CELF5: variants seen among roughly 807,000 people sequenced by gnomAD.
CELF5 encodes CUGBP Elav-like family member 5, also known as CUG-BP and ETR-3 like factor 5.
Under a neutral mutation model 54.9 loss-of-function variants are expected in CELF5, and 6 were observed. The observed-to-expected ratio is 0.11, with a 90% confidence interval of 0.06 to 0.22. The LOEUF is 0.22. CELF5 is among the 10% of genes least tolerant of loss of function. The pLI is 1.00. For missense variants in CELF5, 401 were observed against 678.6 expected (o/e 0.59, Z 4.54); for synonymous variants, 271 against 290.9 (o/e 0.93, Z 0.70).
At position 3,275,086 on chromosome 19, in the gene CELF5, G is replaced by C. The variant is rs1367621988; in HGVS notation, c.395-770G>C. ...CTCTCTCTCCCTCCCACCCCCATGA[G>C]TGACAGCTGCCGAGAGCGGTTTCCA... is the stretch of plus-strand genomic sequence containing the variant. On this transcript the variant is annotated intron_variant, in intron 3 of 12. Coordinates refer to ENST00000292672, the MANE Select transcript of CELF5 (RefSeq NM_021938.4). The surrounding 1 kb of genome is among the most constrained non-coding windows in gnomAD (Gnocchi z 6.7). Among the ~76,000 whole-genome samples the C allele has an allele frequency of 1.3e-5, 2 of 152,020 alleles. No homozygotes were observed. Among genetic ancestry groups the C allele is most frequent in the African/African-American group, 4.8e-5 (2 of 41,378 alleles).
At chr19:3,269,433 C>T (rs1036360329) in intron 2 of CELF5, among the ~76,000 whole-genome samples, 1 of 152,146 alleles carries the variant, frequency 6.6e-6, no homozygotes, top group African/African-American at 2.4e-5. Flanking sequence ...CTGCCTCGAC[C>T]TCTCAAACTG....
intron 2 of CELF5, among the ~76,000 whole-genome samples, chr19:3,261,672 C>A (rs1322964769): frequency 1.3e-5 from 2 of 151,440 alleles, no homozygotes; most frequent in African/African-American, 4.9e-5. Context: ...ATTTTAAAAA[C>A]TACCTGGGCA....
intron 1 of CELF5, among the ~76,000 whole-genome samples, chr19:3,245,167 CAT>C (rs1422018674): frequency 7.5e-6 from 1 of 132,552 alleles, no homozygotes; most frequent in Admixed American, 7.7e-5. Flanking sequence ...GTGTGTTGTG[CAT>C]GTGTCTTTGC....
intron 2 of CELF5, among the ~76,000 whole-genome samples, chr19:3,258,203 C>T (rs1185500922): frequency 2.0e-5 from 3 of 152,156 alleles, no homozygotes; most frequent in Admixed American, 6.6e-5. Context: ...GGTGATCCTC[C>T]CACCTTGGCC....
At chr19:3,261,684 G>A (rs1382102572) in intron 2 of CELF5, among the ~76,000 whole-genome samples, 1 of 151,874 alleles carries the variant, frequency 6.6e-6, no homozygotes, top group Non-Finnish European at 1.5e-5. Flanking sequence ...ACCTGGGCAT[G>A]GTGGCATGTA....
intron 4 of CELF5, among the ~76,000 whole-genome samples, chr19:3,277,291 T>A (rs1031067867): frequency 6.6e-6 from 1 of 151,700 alleles, no homozygotes; most frequent in Non-Finnish European, 1.5e-5. Flanking sequence ...CTGGCCAAGA[T>A]GGTGAAACCC....
At position 3,293,258 on chromosome 19, in the gene CELF5, A is replaced by G. The variant is rs1328668915; in HGVS notation, c.1331-61A>G. On this transcript the variant is annotated intron_variant, in intron 11 of 12. Coordinates refer to ENST00000292672, the MANE Select transcript of CELF5 (RefSeq NM_021938.4). ...TGAGCCGGGAAGCCAGGGCCACAGC[A>G]TAGGAACAAGCCGAGGACACCCGCA... 5 of 1,601,042 alleles carry G rather than the reference A, an allele frequency of 3.1e-6. No individual in the cohort carries two copies. The African/African-American group carries it at 5.3e-5, about 17-fold the overall frequency.
At chr19:3,277,894 T>G in intron 4 of CELF5, 137 bp from the exon 5 acceptor site, 1 of 662,724 alleles carries the variant, frequency 1.5e-6, no homozygotes, top group Non-Finnish European at 2.7e-6. Context: ...GCTGGCTGTC[T>G]TTCTGTTATC....
chr19:3,261,243 C>T (rs957747725), intron 2 of CELF5, among the ~76,000 whole-genome samples: 3 of 151,938 alleles, frequency 2.0e-5, no homozygotes, highest in Admixed American at 2.0e-4. Context: ...CATAATGAAA[C>T]CCCTTGTCTA....
At position 3,285,891 on chromosome 19, in the gene CELF5, C is replaced by G. The variant is rs532363817; in HGVS notation, c.1103-51C>G. On this transcript the variant is annotated intron_variant, in intron 9 of 12. Coordinates refer to ENST00000292672, the MANE Select transcript of CELF5 (RefSeq NM_021938.4). ...TCCCCGCCCAGCGGCCCAGGCCGCC[C>G]ACGTGGCCTCACGCCCCTCCTCGCC... 85 of 1,415,150 alleles carry G rather than the reference C, an allele frequency of 6.0e-5. No individual in the cohort carries two copies. The African/African-American group carries it at 1.1e-3, about 18-fold the overall frequency. The allele number at this position is 1,415,150 out of a possible 1,614,324, so 87.7% of individuals were successfully genotyped here.
chr19:3,294,698 G>A (rs565574687), intron 12 of CELF5: 6 of 152,178 alleles, frequency 3.9e-5, no homozygotes, highest in Middle Eastern at 3.4e-3. Context: ...GCTCGGGGAC[G>A]CAGCTGTGAA....
At chr19:3,284,612 T>C in intron 8 of CELF5, 1 of 462,342 alleles carries the variant, frequency 2.2e-6, no homozygotes, top group South Asian at 2.6e-5. Context: ...GGGTCCCCCT[T>C]GGGAGGCAAC....
intron 1 of CELF5, among the ~76,000 whole-genome samples, chr19:3,246,342 C>T (rs559846504): frequency 1.7e-4 from 26 of 150,418 alleles, no homozygotes; most frequent in Non-Finnish European, 3.5e-4. Flanking sequence ...CCAGCCTGGG[C>T]GATAGATTGA....
chr19:3,285,133 C>T (rs1407219948), intron 9 of CELF5, among the ~76,000 whole-genome samples, 169 bp downstream of exon 9: 1 of 151,486 alleles, frequency 6.6e-6, no homozygotes, highest in African/African-American at 2.4e-5. Context: ...TATTCAACCC[C>T]GGGCCCTGTT....
At chr19:3,235,740 G>C (rs1255222863) in intron 1 of CELF5, among the ~76,000 whole-genome samples, 1 of 142,730 alleles carries the variant, frequency 7.0e-6, no homozygotes, top group Non-Finnish European at 1.6e-5. Flanking sequence ...ATGGATGGAT[G>C]GATGGATGGA....
At position 3,258,220 on chromosome 19, in the gene CELF5, T is replaced by C. The variant is rs145657594; in HGVS notation, c.342+7153T>C. 6.3e-3 allele frequency among the ~76,000 whole-genome samples: 947 copies of C among 150,686 alleles called. 11 individuals carry two copies. The highest frequency in any genetic ancestry group is 0.021 in the African/African-American group (879 of 41,054). The stretch of plus-strand genomic sequence containing the variant: ...TGATCCTCCCACCTTGGCCTCCCAA[T>C]ATGCTGGGATTACAGGCATGAGCCA... On this transcript the variant is annotated intron_variant, in intron 2 of 12. Coordinates refer to ENST00000292672, the MANE Select transcript of CELF5 (RefSeq NM_021938.4).
intron 1 of CELF5, among the ~76,000 whole-genome samples, chr19:3,240,683 T>C (rs2079479280): frequency 6.6e-6 from 1 of 151,872 alleles, no homozygotes; most frequent in Non-Finnish European, 1.5e-5. Context: ...TCTTGTTCTA[T>C]GGCCCCAGCT....
intron 8 of CELF5, 163 bp from the exon 9 acceptor site, chr19:3,284,739 G>T: frequency 1.5e-6 from 1 of 649,550 alleles, no homozygotes. Flanking sequence ...TGTGCAAGTG[G>T]CTTCACCTTC....
chr19:3,253,630 G>T (rs578219235), intron 2 of CELF5, among the ~76,000 whole-genome samples: 28 of 152,290 alleles, frequency 1.8e-4, no homozygotes, highest in South Asian at 1.0e-3. Flanking sequence ...TGCAGAGCAG[G>T]GGGGGCAAAG....
Sources: gnomAD v4.1 joint callset for allele counts (sites outside exome capture counted in the v4.1 genomes callset) on GRCh38, gnomAD v4.1.1 for gene constraint, Gnocchi (gnomAD v3.1) non-coding constraint, MANE v1.5 for transcripts, NCBI Gene and HGNC (gene_info 2026-07-23, HGNC 2026-07-21) for gene names.